The following MED27 variants were observed in gnomAD, a reference collection of about 807,000 sequenced individuals.
MED27 encodes the protein mediator complex subunit 27.
MED27 carries 30 observed loss-of-function variants against 38.2 expected under a neutral mutation model. The observed-to-expected ratio is 0.79, with a 90% confidence interval of 0.59 to 1.07. The LOEUF (loss-of-function observed/expected upper bound fraction) is 1.07. Among genes scored for constraint, MED27 ranks in the 50% least tolerant of loss-of-function variants. The probability of loss-of-function intolerance (pLI) is 0.00; values close to 1 mark genes in which losing one functional copy is unlikely to be tolerated. For missense variants in MED27, 289 were observed against 397.5 expected, an observed-to-expected ratio of 0.73 and a Z score of 2.32; for synonymous variants, 122 against 153.5, an observed-to-expected ratio of 0.79 and a Z score of 1.52.
chr9:131,863,211 G>T, intron 6 of MED27, 71 bp from the exon 7 acceptor site: 3 of 1,230,968 alleles, frequency 2.4e-6, no homozygotes, highest in Non-Finnish European at 3.6e-6. Flanking sequence ...CAGGACAAAT[G>T]CACGCCTTCT....
At chr9:131,888,596 G>T (rs1046290876) in intron 5 of MED27, among the ~76,000 whole-genome samples, 1 of 152,336 alleles carries the variant, frequency 6.6e-6, no homozygotes, top group South Asian at 2.1e-4. Context: ...TCAAAAAACA[G>T]TGGAATCGAT....
chr9:131,875,050 C>T (rs1838905758), intron 6 of MED27, among the ~76,000 whole-genome samples: 2 of 152,104 alleles, frequency 1.3e-5, no homozygotes, highest in Non-Finnish European at 2.9e-5. Context: ...CGCCAAGGTG[C>T]CAGGCGCCCC....
chr9:131,990,383 C>A (rs763265616), intron 3 of MED27, among the ~76,000 whole-genome samples: 2 of 152,222 alleles, frequency 1.3e-5, no homozygotes, highest in African/African-American at 2.4e-5. Flanking sequence ...CTGACCAACT[C>A]TGAGGTCCTT....
chr9:131,872,042 C>T lies in MED27; in HGVS notation c.724-8902G>A, dbSNP rs752011455. On this transcript the variant is annotated intron_variant, in intron 6 of 7. Coordinates refer to ENST00000292035, the MANE Select transcript of MED27 (RefSeq NM_004269.4). The surrounding 1 kb of genome is among the most constrained non-coding windows in gnomAD (Gnocchi z 5.6). ...GGCCCCAGGGGGCATGCTCCTGGGC[C>T]GGAGTGGAGGCTGGCGACGCAGCAT... 4.6e-5 allele frequency among the ~76,000 whole-genome samples: 7 copies of T among 152,190 alleles called. No homozygotes were observed. The highest frequency in any genetic ancestry group is 7.3e-5 in the Non-Finnish European group (5 of 68,038).
Position 132,050,984 on chromosome 9 carries a change from C to T in MED27, c.348+26458G>A, listed in dbSNP as rs148559462. On this transcript the variant is annotated intron_variant, in intron 2 of 7. Transcript: ENST00000292035. ...CTCAATGATGGCCTTATTCATGTTTCTCCAATCATCACTTGTCCAGGAAAC... is the reference window on the plus strand; with the variant it reads ...CTCAATGATGGCCTTATTCATGTTTTTCCAATCATCACTTGTCCAGGAAAC... Among the ~76,000 whole-genome samples the T allele has an allele frequency of 1.8e-4, 27 of 152,302 alleles. No homozygotes were observed. In the South Asian group the frequency reaches 2.3e-3, roughly 13 times the overall value.
At chr9:131,970,807 G>A (rs1831460171) in intron 3 of MED27, among the ~76,000 whole-genome samples, 1 of 152,196 alleles carries the variant, frequency 6.6e-6, no homozygotes, top group South Asian at 2.1e-4. Flanking sequence ...GAGGCTAGGA[G>A]GAGAACAGTA....
intron 2 of MED27, among the ~76,000 whole-genome samples, chr9:132,019,908 T>C (rs942167640): frequency 2.6e-5 from 4 of 152,222 alleles, no homozygotes; most frequent in Admixed American, 2.6e-4. Flanking sequence ...AACTCTTCAC[T>C]CTGCCCTCCT....
At chr9:131,886,031 G>A (rs547706016) in intron 5 of MED27, among the ~76,000 whole-genome samples, 1 of 152,334 alleles carries the variant, frequency 6.6e-6, no homozygotes, top group African/African-American at 2.4e-5. Context: ...GCATTGGGAA[G>A]CCATTGGACA....
intron 4 of MED27, among the ~76,000 whole-genome samples, chr9:131,928,148 T>C (rs1275958958): frequency 6.6e-6 from 1 of 152,188 alleles, no homozygotes; most frequent in African/African-American, 2.4e-5. Flanking sequence ...TGGACACCCA[T>C]GTGGGCACTG....
rs1838654849 is a variant in MED27 at position 131,861,704 on chromosome 9, T to A, written c.802-1032A>T. Reference sequence around the variant, plus strand: ...GCCTCAAATCAATCAATCAACAGATTCGTATTAATTAGCTGGTGTGGGCTG... The same window carrying A: ...GCCTCAAATCAATCAATCAACAGATACGTATTAATTAGCTGGTGTGGGCTG... On this transcript the variant is annotated intron_variant, in intron 7 of 7. Coordinates refer to ENST00000292035, the MANE Select transcript of MED27 (RefSeq NM_004269.4). This position sits in a 1 kb window ranked among gnomAD's most constrained non-coding sequence, Gnocchi z 4.4. Among the ~76,000 whole-genome samples, 2 of 152,140 alleles carry A rather than the reference T, an allele frequency of 1.3e-5. No individual in the cohort carries two copies. The highest frequency in any genetic ancestry group is 4.8e-5 in the African/African-American group (2 of 41,414).
intron 2 of MED27, among the ~76,000 whole-genome samples, chr9:132,066,482 G>C (rs1589299668): frequency 1.3e-5 from 2 of 152,214 alleles, no homozygotes; most frequent in Non-Finnish European, 2.9e-5. Flanking sequence ...TGACTTGCCA[G>C]CAAGTACTAG....
rs147533648 is a variant in MED27, at chr9:131,891,907, A to T, written c.681+1978T>A. Among the ~76,000 whole-genome samples, 6 of 152,318 alleles carry T rather than the reference A, an allele frequency of 3.9e-5. No individual in the cohort carries two copies. The East Asian group carries it at 1.2e-3, about 29-fold the overall frequency. On this transcript the variant is annotated intron_variant, in intron 5 of 7. Transcript: ENST00000292035. ...GAGTTACTTAAGAGGGAGAACTGCCAGTAATCACTGACAGCCTAGACCGGC... is the reference window on the plus strand; with the variant it reads ...GAGTTACTTAAGAGGGAGAACTGCCTGTAATCACTGACAGCCTAGACCGGC...
At chr9:131,874,452 C>T (rs1838891850) in intron 6 of MED27, among the ~76,000 whole-genome samples, 1 of 152,134 alleles carries the variant, frequency 6.6e-6, no homozygotes, top group African/African-American at 2.4e-5. Context: ...CTGGGTACGG[C>T]TCACCTTGCA....
chr9:131,881,284 G>A (rs1367557736), intron 6 of MED27, among the ~76,000 whole-genome samples: 2 of 152,300 alleles, frequency 1.3e-5, no homozygotes, highest in South Asian at 2.1e-4. Context: ...TTTTGCATGC[G>A]AAACAAGTAA....
At chr9:131,939,004 C>T (rs887421490) in intron 4 of MED27, among the ~76,000 whole-genome samples, 3 of 152,152 alleles carry the variant, frequency 2.0e-5, no homozygotes, top group Non-Finnish European at 4.4e-5. Context: ...TGAGTCACCG[C>T]GCCTGGCGAG....
chr9:132,019,268 C>T (rs1275093831), intron 2 of MED27, among the ~76,000 whole-genome samples: 1 of 152,132 alleles, frequency 6.6e-6, no homozygotes, highest in Non-Finnish European at 1.5e-5. Flanking sequence ...ACAGGTGATG[C>T]TAATGAATTT....
chr9:131,990,475 T>C (rs1348415601), intron 3 of MED27, among the ~76,000 whole-genome samples: 2 of 152,244 alleles, frequency 1.3e-5, no homozygotes, highest in African/African-American at 4.8e-5. Flanking sequence ...TTTGTTTTGT[T>C]GTGCAGGCCC....
At chr9:131,953,260 C>A (rs1208432232) in intron 3 of MED27, among the ~76,000 whole-genome samples, 1 of 152,222 alleles carries the variant, frequency 6.6e-6, no homozygotes, top group Non-Finnish European at 1.5e-5. Flanking sequence ...CTTATTTCCC[C>A]TTCCTTCCTA....
intron 2 of MED27, among the ~76,000 whole-genome samples, chr9:132,053,451 C>T (rs1280050219): frequency 7.0e-6 from 1 of 143,374 alleles, no homozygotes; most frequent in African/African-American, 2.6e-5. Context: ...CCTCTTGTAA[C>T]AAAAAAAAAA....
Sources: gnomAD v4.1 joint callset for allele counts (sites outside exome capture counted in the v4.1 genomes callset) on GRCh38, gnomAD v4.1.1 for gene constraint, Gnocchi (gnomAD v3.1) non-coding constraint, MANE v1.5 for transcripts, NCBI Gene and HGNC (gene_info 2026-07-23, HGNC 2026-07-21) for gene names.